GALNTL6: variants seen among roughly 807,000 people sequenced by gnomAD.
GALNTL6 encodes the protein polypeptide N-acetylgalactosaminyltransferase like 6, also known as polypeptide N-acetylgalactosaminyltransferase-like 6.
A neutral mutation model predicts 73.7 loss-of-function variants in GALNTL6; 46 were observed. That is an observed-to-expected ratio of 0.62 (90% CI 0.49 to 0.80). GALNTL6 has a LOEUF of 0.80. Ranked by LOEUF, GALNTL6 falls within the 30% of genes least tolerant of loss-of-function variation. The pLI, the probability that GALNTL6 is intolerant of heterozygous loss-of-function variation, is 0.00. For synonymous variants in GALNTL6, 259 were observed against 263.7 expected (o/e 0.98, Z 0.17); for missense variants, 604 against 755.0 (o/e 0.80, Z 2.34).
chr4:171,934,019 A>C (rs1738267271), intron 2 of GALNTL6, among the ~76,000 whole-genome samples: 1 of 152,174 alleles, frequency 6.6e-6, no homozygotes, highest in South Asian at 2.1e-4. Flanking sequence ...TACAGGTTAA[A>C]GTTTTTGGCT....
intron 2 of GALNTL6, among the ~76,000 whole-genome samples, chr4:171,855,460 C>CT (rs1028296609): frequency 6.6e-6 from 1 of 152,092 alleles, no homozygotes; most frequent in Non-Finnish European, 1.5e-5. Context: ...TAACTCATTT[C>CT]TTTTTGTTGC....
At chr4:172,391,448 C>A (rs1043541953) in intron 5 of GALNTL6, among the ~76,000 whole-genome samples, 1 of 152,140 alleles carries the variant, frequency 6.6e-6, no homozygotes, top group African/African-American at 2.4e-5. Context: ...TCAAGCAATC[C>A]TCTCACCTCA....
chr4:172,907,822 T>C (rs549081605), intron 8 of GALNTL6, among the ~76,000 whole-genome samples: 1 of 152,316 alleles, frequency 6.6e-6, no homozygotes, highest in African/African-American at 2.4e-5. Context: ...GGTAGATTTG[T>C]TCTTAGGATA....
chr4:172,461,988 GA>G (rs1470202392), intron 5 of GALNTL6, among the ~76,000 whole-genome samples: 1 of 151,794 alleles, frequency 6.6e-6, no homozygotes, highest in Non-Finnish European at 1.5e-5. Flanking sequence ...GGACTAAATA[GA>G]AAAAAAAGGC....
chr4:172,582,608 G>C (rs1737233573), intron 5 of GALNTL6, among the ~76,000 whole-genome samples: 1 of 152,110 alleles, frequency 6.6e-6, no homozygotes, highest in African/African-American at 2.4e-5. Flanking sequence ...AACATTGCCT[G>C]CTTCATGGTA....
At chr4:172,237,391 A>C (rs541960964) in intron 3 of GALNTL6, among the ~76,000 whole-genome samples, 1 of 152,046 alleles carries the variant, frequency 6.6e-6, no homozygotes, top group Admixed American at 6.5e-5. Context: ...CTTGTTGCCT[A>C]TTTGAAAAGT....
intron 5 of GALNTL6, among the ~76,000 whole-genome samples, chr4:172,664,085 G>A (rs990658066): frequency 1.3e-4 from 20 of 152,258 alleles, no homozygotes; most frequent in African/African-American, 4.8e-4. Context: ...GCAGACATTT[G>A]ATAGCAATTC....
intron 5 of GALNTL6, among the ~76,000 whole-genome samples, chr4:172,661,184 C>A (rs772025298): frequency 6.6e-6 from 1 of 152,140 alleles, no homozygotes; most frequent in African/African-American, 2.4e-5. Flanking sequence ...GGGCCTCATA[C>A]AATCAGTTGA....
chr4:172,441,480 A>G (rs1025232294), intron 5 of GALNTL6, among the ~76,000 whole-genome samples: 3 of 152,126 alleles, frequency 2.0e-5, no homozygotes, highest in African/African-American at 4.8e-5. Context: ...AGGCCCAACA[A>G]GATGCTGCTC....
intron 5 of GALNTL6, among the ~76,000 whole-genome samples, chr4:172,439,953 AG>A (rs1731769188): frequency 1.3e-5 from 2 of 152,104 alleles, no homozygotes; most frequent in African/African-American, 4.8e-5. Context: ...AGTTTACATT[AG>A]GGCTCACTCT....
At chr4:171,856,293 T>A (rs1735690986) in intron 2 of GALNTL6, among the ~76,000 whole-genome samples, 3 of 147,344 alleles carry the variant, frequency 2.0e-5, no homozygotes, top group African/African-American at 2.6e-5. Flanking sequence ...TTTTTTTTTT[T>A]AATTAGAGAC....
At chr4:171,851,595 G>T (rs1209380557) in intron 2 of GALNTL6, among the ~76,000 whole-genome samples, 1 of 152,128 alleles carries the variant, frequency 6.6e-6, no homozygotes, top group African/African-American at 2.4e-5. Context: ...CTTTCTATTA[G>T]AAGCTGCTGT....
At chr4:172,997,109 C>CA (rs1751830105) in intron 10 of GALNTL6, among the ~76,000 whole-genome samples, 1 of 152,194 alleles carries the variant, frequency 6.6e-6, no homozygotes. Flanking sequence ...TACCAGACTC[C>CA]AATCCTATTT....
chr4:172,032,919 A>T (rs550627822), intron 2 of GALNTL6, among the ~76,000 whole-genome samples: 9 of 152,008 alleles, frequency 5.9e-5, no homozygotes, highest in African/African-American at 1.9e-4. Flanking sequence ...TTATAATCTG[A>T]TTGGAGAGAT....
At chr4:172,573,179 A>T (rs1486871637) in intron 5 of GALNTL6, among the ~76,000 whole-genome samples, 2 of 152,192 alleles carry the variant, frequency 1.3e-5, no homozygotes, top group African/African-American at 4.8e-5. Context: ...TATAAATTGA[A>T]TTTCCATGCA....
chr4:171,989,828 T>G (rs1264655425), intron 2 of GALNTL6, among the ~76,000 whole-genome samples: 1 of 152,214 alleles, frequency 6.6e-6, no homozygotes, highest in Non-Finnish European at 1.5e-5. Context: ...CATCTCAGGG[T>G]TGCTGCCGAA....
intron 2 of GALNTL6, among the ~76,000 whole-genome samples, chr4:172,067,383 G>A (rs573692959): frequency 2.2e-4 from 33 of 151,620 alleles, no homozygotes; most frequent in African/African-American, 7.7e-4. Context: ...ATCTCTGTAC[G>A]CTCTACCTCA....
intron 5 of GALNTL6, among the ~76,000 whole-genome samples, chr4:172,643,888 C>T (rs910868170): frequency 5.7e-4 from 87 of 151,836 alleles, no homozygotes; most frequent in African/African-American, 2.0e-3. Context: ...ATTTGATGAA[C>T]ATTTCTCTTG....
intron 5 of GALNTL6, among the ~76,000 whole-genome samples, chr4:172,715,756 T>C (rs1464389206): frequency 6.6e-6 from 1 of 152,202 alleles, no homozygotes; most frequent in Non-Finnish European, 1.5e-5. Flanking sequence ...GTCCTGTTTG[T>C]AGTTGTTAGA....
Sources: gnomAD v4.1 joint callset for allele counts (sites outside exome capture counted in the v4.1 genomes callset) on GRCh38, gnomAD v4.1.1 for gene constraint, MANE v1.5 for transcripts, NCBI Gene and HGNC (gene_info 2026-07-23, HGNC 2026-07-21) for gene names.